Variants in ZEB1 observed in about 807,000 individuals in gnomAD.
The protein encoded by ZEB1 is zinc finger E-box-binding homeobox 1.
ZEB1 carries 21 observed loss-of-function variants against 84.9 expected under a neutral mutation model. The ratio of observed to expected loss-of-function variants is 0.25; its 90% CI spans 0.18 to 0.36. The LOEUF is 0.36. ZEB1 is among the 10% of genes least tolerant of loss of function. ZEB1 has a pLI of 1.00. For synonymous variants in ZEB1, 420 were observed against 471.1 expected, an observed-to-expected ratio of 0.89 and a Z score of 1.41; for missense variants, 1,104 against 1,330.2, an observed-to-expected ratio of 0.83 and a Z score of 2.65.
chr10:31,399,362 C>T (rs1250702215), intron 1 of ZEB1, among the ~76,000 whole-genome samples: 3 of 152,134 alleles, frequency 2.0e-5, no homozygotes, highest in Non-Finnish European at 4.4e-5. Context: ...AAAACCTCCT[C>T]CGGCAGTTTT....
intron 1 of ZEB1, among the ~76,000 whole-genome samples, chr10:31,341,214 A>G (rs1233562304): frequency 6.6e-6 from 1 of 152,188 alleles, no homozygotes; most frequent in Non-Finnish European, 1.5e-5. Flanking sequence ...CAGAGAGGCC[A>G]TTTGGGAAGT....
intron 1 of ZEB1, among the ~76,000 whole-genome samples, chr10:31,425,664 A>G (rs907747992): frequency 6.6e-6 from 1 of 152,048 alleles, no homozygotes; most frequent in South Asian, 2.1e-4. Context: ...GTCACCCACA[A>G]ATTTTGAATT....
chr10:31,485,867 C>T (rs912884007), intron 2 of ZEB1, among the ~76,000 whole-genome samples: 10 of 151,828 alleles, frequency 6.6e-5, no homozygotes, highest in South Asian at 2.1e-4. Context: ...AGAGCACTAT[C>T]GTGCTACCCG....
chr10:31,362,141 C>T (rs1203118206), intron 1 of ZEB1, among the ~76,000 whole-genome samples: 1 of 151,378 alleles, frequency 6.6e-6, no homozygotes. Flanking sequence ...CAGAGGCGCT[C>T]CTTGTTTCCC....
At chr10:31,508,599 T>C (rs903849089) in intron 4 of ZEB1, among the ~76,000 whole-genome samples, 1 of 152,078 alleles carries the variant, frequency 6.6e-6, no homozygotes, top group African/African-American at 2.4e-5. Flanking sequence ...CTGAATAGCA[T>C]GCTCGGAAAC....
intron 1 of ZEB1, among the ~76,000 whole-genome samples, chr10:31,444,135 G>C (rs2059435644): frequency 6.6e-6 from 1 of 150,806 alleles, no homozygotes; most frequent in Admixed American, 6.6e-5. Context: ...TCTCATAGTG[G>C]TTTTGATTTG....
At chr10:31,483,555 A>G (rs952991524) in intron 2 of ZEB1, among the ~76,000 whole-genome samples, 1 of 152,090 alleles carries the variant, frequency 6.6e-6, no homozygotes, top group African/African-American at 2.4e-5. Flanking sequence ...AGAAGTTACC[A>G]TATCATATAT....
At chr10:31,469,349 G>A (rs1190557614) in intron 2 of ZEB1, among the ~76,000 whole-genome samples, 5 of 152,186 alleles carry the variant, frequency 3.3e-5, no homozygotes, top group African/African-American at 1.2e-4. Flanking sequence ...AGGTCAGTGG[G>A]TGCGCGCACC....
At chr10:31,453,640 T>C (rs1472887002) in intron 1 of ZEB1, among the ~76,000 whole-genome samples, 4 of 152,064 alleles carry the variant, frequency 2.6e-5, no homozygotes, top group Non-Finnish European at 5.9e-5. Flanking sequence ...ACCTCGCAAA[T>C]AAACTAGAAA....
At position 31,521,397 on chromosome 10, in the gene ZEB1, G is replaced by A; in HGVS notation, c.2065G>A (p.Val689Ile). The change falls in exon 7 of 9, where the codon GTT becomes ATT. Residue 689 changes from valine (V) to isoleucine (I), a missense_variant. Physicochemically the swap from Val to Ile is conservative, Grantham distance 29. Coordinates refer to ENST00000424869, the MANE Select transcript of ZEB1 (RefSeq NM_001174096.2). Reference protein sequence around the residue: ...QSPLKMTNSPVLPVGSTTNGS... With the variant: ...QSPLKMTNSPILPVGSTTNGS... ...TCCTTTGAAGATGACTAACTCCCCA[G>A]TTTTACCAGTGGGATCAACCACCAA... The A allele has an allele frequency of 6.2e-7, 1 of 1,614,076 alleles. No individual in the cohort carries two copies. The highest frequency in any genetic ancestry group is 8.5e-7 in the Non-Finnish European group (1 of 1,180,014).
At chr10:31,525,928 T>A (rs2073342921) in intron 8 of ZEB1, among the ~76,000 whole-genome samples, 2 of 152,194 alleles carry the variant, frequency 1.3e-5, no homozygotes, top group Admixed American at 6.5e-5. Flanking sequence ...CTACACTATT[T>A]CTAAAATTAA....
chr10:31,332,330 C>T (rs190263010), intron 1 of ZEB1, among the ~76,000 whole-genome samples: 1 of 152,098 alleles, frequency 6.6e-6, no homozygotes, highest in East Asian at 1.9e-4. Flanking sequence ...TTCCTTTTCT[C>T]AAATCAGTAA....
At chr10:31,375,371 A>G (rs2046449075) in intron 1 of ZEB1, among the ~76,000 whole-genome samples, 1 of 151,692 alleles carries the variant, frequency 6.6e-6, no homozygotes, top group Non-Finnish European at 1.5e-5. Flanking sequence ...GTGCTTTGGA[A>G]TGTACATGAT....
chr10:31,510,941 C>G, intron 5 of ZEB1, 66 bp downstream of exon 5: 1 of 1,450,072 alleles, frequency 6.9e-7, no homozygotes, highest in East Asian at 2.3e-5. Context: ...CAATGGAAGG[C>G]AAGGATTTTA....
At chr10:31,363,685 C>T (rs192355960) in intron 1 of ZEB1, 77 of 1,283,146 alleles carry the variant, frequency 6.0e-5, no homozygotes, top group Non-Finnish European at 8.0e-5. Flanking sequence ...ACAAGGGATC[C>T]TTACGGGGCT....
intron 1 of ZEB1, among the ~76,000 whole-genome samples, chr10:31,364,954 A>G (rs547722940): frequency 1.4e-4 from 21 of 152,332 alleles, no homozygotes; most frequent in African/African-American, 4.6e-4. Flanking sequence ...CCAGTCCTCT[A>G]CAAAGACGTA....
At chr10:31,330,138 A>G (rs1186006041) in intron 1 of ZEB1, among the ~76,000 whole-genome samples, 1 of 152,042 alleles carries the variant, frequency 6.6e-6, no homozygotes, top group Non-Finnish European at 1.5e-5. Flanking sequence ...TCTCCCATGT[A>G]TTTTTAGAAG....
At chr10:31,522,171 T>C (rs2072553530) in intron 7 of ZEB1, among the ~76,000 whole-genome samples, 2 of 152,242 alleles carry the variant, frequency 1.3e-5, no homozygotes, top group Admixed American at 6.5e-5. Context: ...TACTGAAAGA[T>C]GATTTTTAAG....
intron 5 of ZEB1, 147 bp from the exon 6 acceptor site, chr10:31,514,456 T>G: frequency 3.0e-6 from 2 of 659,292 alleles, no homozygotes; most frequent in Non-Finnish European, 5.2e-6. Flanking sequence ...AAGAGTTAGA[T>G]TTTTGTGACT....
Sources: allele counts gnomAD v4.1 joint callset (sites outside exome capture counted in the v4.1 genomes callset), GRCh38; gene constraint gnomAD v4.1.1; transcripts MANE v1.5; gene names NCBI Gene and HGNC (gene_info 2026-07-23, HGNC 2026-07-21).